GUCY2F: variants seen among roughly 807,000 people sequenced by gnomAD.
GUCY2F encodes the protein retinal guanylyl cyclase 2.
In GUCY2F, 61 loss-of-function variants were observed where a neutral mutation model predicts 73.1. The observed-to-expected ratio is 0.83, with a 90% CI of 0.68 to 1.03. GUCY2F has a LOEUF of 1.03. GUCY2F is among the 50% of genes least tolerant of loss of function. The pLI, the probability that GUCY2F is intolerant of heterozygous loss-of-function variation, is 0.00. For missense variants in GUCY2F, 912 were observed against 854.3 expected (o/e 1.07, Z -0.84); for synonymous variants, 331 against 307.8 (o/e 1.08, Z -0.79).
At chrX:109,392,858 T>C (rs1418916708) in intron 13 of GUCY2F, 34 bp downstream of exon 13, 2 of 928,164 alleles carry the variant, frequency 2.2e-6, no homozygotes, top group Non-Finnish European at 3.1e-6. Flanking sequence ...CACACTGTTA[T>C]AAGGATTCAC....
At chrX:109,424,468 T>C (rs1374948541) in intron 8 of GUCY2F, among the ~76,000 whole-genome samples, 1 of 111,502 alleles carries the variant, frequency 9.0e-6, no homozygotes, top group Non-Finnish European at 1.9e-5. Flanking sequence ...ACTGAAACTA[T>C]TCTGTATGTT....
intron 12 of GUCY2F, among the ~76,000 whole-genome samples, chrX:109,394,830 C>T (rs776970289): frequency 7.1e-5 from 8 of 111,980 alleles, no homozygotes; most frequent in South Asian, 3.7e-4. Context: ...TGCTTTTGCA[C>T]GCCACATTTG....
rs1356697337 is a variant in GUCY2F at position 109,430,429 on chromosome X, G to A, written c.1702-33C>T. 6 of 769,254 alleles carry A rather than the reference G, an allele frequency of 7.8e-6. No individual in the cohort carries two copies. In the Admixed American group the frequency reaches 1.4e-4, roughly 17 times the overall value. The allele number at this position is 769,254 out of a possible 1,213,427, so 63.4% of individuals were successfully genotyped here. On this transcript the variant is annotated intron_variant, in intron 7 of 19. Coordinates refer to ENST00000218006, the MANE Select transcript of GUCY2F (RefSeq NM_001522.3). ...GAAAAGGAGGAGAATGAATAGTGAT[G>A]AAACTTAGTTGCCAGCAGTTTTAGA...
intron 7 of GUCY2F, among the ~76,000 whole-genome samples, chrX:109,437,158 T>TA (rs1456787479): frequency 9.0e-6 from 1 of 111,668 alleles, no homozygotes; most frequent in Non-Finnish European, 1.9e-5. Context: ...TTAACCTCTT[T>TA]AGTCAGTCCT....
chrX:109,431,191 G>T (rs866598147), intron 7 of GUCY2F, among the ~76,000 whole-genome samples: 1 of 110,961 alleles, frequency 9.0e-6, no homozygotes, highest in Non-Finnish European at 1.9e-5. Context: ...TTTAGTTTCC[G>T]TCCAACCCAA....
chrX:109,379,010 T>A (rs1440760050), intron 17 of GUCY2F, among the ~76,000 whole-genome samples: 1 of 112,073 alleles, frequency 8.9e-6, no homozygotes, highest in Non-Finnish European at 1.9e-5. Flanking sequence ...ATAAAAAAAA[T>A]TTAGTGTATA....
At chrX:109,463,782 A>G (rs1398442519) in intron 3 of GUCY2F, among the ~76,000 whole-genome samples, 3 of 111,379 alleles carry the variant, frequency 2.7e-5, no homozygotes, top group African/African-American at 9.8e-5. Flanking sequence ...GACAGTCTCT[A>G]CTTTCACCTC....
At chrX:109,400,687 T>C (rs1212447455) in intron 10 of GUCY2F, among the ~76,000 whole-genome samples, 1 of 111,596 alleles carries the variant, frequency 9.0e-6, no homozygotes, top group Non-Finnish European at 1.9e-5. Flanking sequence ...ACCAGACCCC[T>C]CTGAGCTTCC....
chrX:109,425,662 G>T, intron 8 of GUCY2F, among the ~76,000 whole-genome samples: 1 of 109,122 alleles, frequency 9.2e-6, no homozygotes, highest in African/African-American at 3.3e-5. Context: ...AAGGGTGGGA[G>T]GGGGGCGAGA....
intron 10 of GUCY2F, among the ~76,000 whole-genome samples, chrX:109,400,226 G>A (rs1369208031): frequency 9.1e-6 from 1 of 109,569 alleles, no homozygotes; most frequent in East Asian, 2.9e-4. Flanking sequence ...TGGGGGTGGG[G>A]GTAGTAGCAG....
At chrX:109,476,083 G>T in intron 1 of GUCY2F, 62 bp from the exon 2 acceptor site, 1 of 427,343 alleles carries the variant, frequency 2.3e-6, no homozygotes, top group Non-Finnish European at 3.6e-6. Context: ...GAAATCATCG[G>T]TTGTGAAAGA....
At chrX:109,476,999 G>A (rs1379835398) in intron 1 of GUCY2F, among the ~76,000 whole-genome samples, 1 of 110,260 alleles carries the variant, frequency 9.1e-6, no homozygotes, top group African/African-American at 3.3e-5. Context: ...TTTTAAGCAG[G>A]GAAATAGTAT....
chrX:109,463,284 G>T (rs954053528), intron 3 of GUCY2F, among the ~76,000 whole-genome samples: 2 of 110,896 alleles, frequency 1.8e-5, no homozygotes, highest in Non-Finnish European at 3.8e-5. Context: ...TTTTCCAGCA[G>T]CTATATATTT....
intron 1 of GUCY2F, among the ~76,000 whole-genome samples, chrX:109,480,579 A>C (rs1932758585): frequency 2.7e-5 from 3 of 111,406 alleles, no homozygotes; most frequent in African/African-American, 9.8e-5. Flanking sequence ...CCCACCCCAA[A>C]TTCTAAAAAG....
chrX:109,427,188 A>G (rs187502885), intron 8 of GUCY2F, among the ~76,000 whole-genome samples: 34 of 112,011 alleles, frequency 3.0e-4, no homozygotes, highest in Non-Finnish European at 5.5e-4. Flanking sequence ...AGGCTCTAGA[A>G]TGGCCCCAAA....
chrX:109,479,787 A>G (rs1341161096), intron 1 of GUCY2F, among the ~76,000 whole-genome samples: 2 of 111,329 alleles, frequency 1.8e-5, no homozygotes, highest in Non-Finnish European at 3.8e-5. Context: ...GAGTTATGCT[A>G]CACTGAAAAC....
chrX:109,454,952 G>GA (rs937800592), intron 3 of GUCY2F, among the ~76,000 whole-genome samples: 57 of 110,477 alleles, frequency 5.2e-4, no homozygotes, highest in African/African-American at 1.5e-3. Flanking sequence ...ACCTTCATGT[G>GA]AAAAAAAAGG....
At chrX:109,405,061 G>A (rs2147259440) in intron 9 of GUCY2F, among the ~76,000 whole-genome samples, 1 of 111,981 alleles carries the variant, frequency 8.9e-6, no homozygotes, top group East Asian at 2.8e-4. Context: ...CTAGAGTGTG[G>A]TACATTCACA....
rs752523860 is a variant in GUCY2F at position 109,465,263 on chromosome X, A to G, written c.911T>C (p.Leu304Pro). ...PYRVLRNNPK[L>P]REAYDAVLTI... ...CAACACTGCATCATAGGCTTCCCGG[A>G]GCTTTGGGTTGTTCCTTAGGACCCG... The change falls in exon 3 of 20, where the codon CTC becomes CCC. Residue 304 changes from leucine to proline, a missense_variant. Physicochemically the swap from Leu to Pro is moderately conservative, Grantham distance 98. Transcript: ENST00000218006. 8.4e-5 allele frequency: 102 copies of G among 1,207,970 alleles called. No homozygotes were observed. Among genetic ancestry groups the G allele is most frequent in the Non-Finnish European group, 1.1e-4 (94 of 893,650 alleles).
Sources: gnomAD v4.1 joint callset for allele counts (sites outside exome capture counted in the v4.1 genomes callset) on GRCh38, gnomAD v4.1.1 for gene constraint, MANE v1.5 for transcripts, NCBI Gene and HGNC (gene_info 2026-07-23, HGNC 2026-07-21) for gene names.